WWOX: variants seen among roughly 807,000 people sequenced by gnomAD.
WWOX encodes WW domain containing oxidoreductase.
Under a neutral mutation model 46.2 loss-of-function variants are expected in WWOX, and 69 were observed. The observed-to-expected ratio is 1.49, with a 90% CI of 1.23 to 1.82. The LOEUF (loss-of-function observed/expected upper bound fraction) is 1.82. Among genes scored for constraint, WWOX ranks in the 40% most tolerant of loss-of-function variants. The pLI, the probability that WWOX is intolerant of heterozygous loss-of-function variation, is 0.00. For synonymous variants in WWOX, 359 were observed against 202.6 expected (o/e 1.77, Z -6.56); for missense variants, 919 against 542.6 (o/e 1.69, Z -6.89).
At chr16:78,598,967 C>G (rs2045557955) in intron 8 of WWOX, among the ~76,000 whole-genome samples, 1 of 152,204 alleles carries the variant, frequency 6.6e-6, no homozygotes, top group Admixed American at 6.5e-5. Flanking sequence ...CAGTGATGCA[C>G]TTAGGCAACC....
At chr16:78,371,326 C>A (rs559106424) in intron 5 of WWOX, among the ~76,000 whole-genome samples, 11 of 152,294 alleles carry the variant, frequency 7.2e-5, no homozygotes, top group Admixed American at 6.5e-4. Flanking sequence ...AGTTTAACTG[C>A]CTCACAGTAA....
chr16:79,165,278 T>A (rs779325298), intron 8 of WWOX, among the ~76,000 whole-genome samples: 82 of 151,786 alleles, frequency 5.4e-4, no homozygotes, highest in Non-Finnish European at 7.8e-4. Flanking sequence ...ATTGCGGAGG[T>A]CAATTTCATG....
intron 8 of WWOX, among the ~76,000 whole-genome samples, chr16:78,548,879 G>C (rs1322010672): frequency 6.6e-6 from 1 of 152,146 alleles, no homozygotes; most frequent in Non-Finnish European, 1.5e-5. Context: ...AGGCTTAATT[G>C]TAAGTTAATG....
intron 5 of WWOX, among the ~76,000 whole-genome samples, chr16:78,273,962 C>A (rs946164893): frequency 1.2e-4 from 18 of 152,176 alleles, no homozygotes; most frequent in African/African-American, 4.3e-4. Flanking sequence ...TAGACATTGA[C>A]CAGACACAAT....
chr16:78,706,977 A>G (rs915469706), intron 8 of WWOX, among the ~76,000 whole-genome samples: 5 of 152,140 alleles, frequency 3.3e-5, no homozygotes, highest in Non-Finnish European at 4.4e-5. Context: ...CTGCCTTTGG[A>G]AGTGAATCAG....
chr16:78,633,847 C>T (rs1205564868), intron 8 of WWOX, among the ~76,000 whole-genome samples: 1 of 152,028 alleles, frequency 6.6e-6, no homozygotes, highest in Non-Finnish European at 1.5e-5. Context: ...TTTTCCTTCC[C>T]ACTCACATGT....
chr16:78,124,865 G>A (rs2033292426), intron 4 of WWOX, among the ~76,000 whole-genome samples: 1 of 152,132 alleles, frequency 6.6e-6, no homozygotes, highest in Non-Finnish European at 1.5e-5. Flanking sequence ...TAGACTCTAA[G>A]AGGAGATCTG....
intron 8 of WWOX, among the ~76,000 whole-genome samples, chr16:78,472,461 T>A (rs16947630): frequency 2.0e-5 from 3 of 151,986 alleles, no homozygotes; most frequent in African/African-American, 7.3e-5. Flanking sequence ...TTCTCTTGCT[T>A]TTCTCTAAAG....
intron 8 of WWOX, among the ~76,000 whole-genome samples, chr16:79,122,790 C>G (rs1412493171): frequency 1.3e-5 from 2 of 152,144 alleles, no homozygotes; most frequent in Non-Finnish European, 2.9e-5. Context: ...GCCAGAATAC[C>G]TTGCCCATTT....
intron 8 of WWOX, among the ~76,000 whole-genome samples, chr16:78,700,719 C>G (rs1313694145): frequency 6.6e-6 from 1 of 152,146 alleles, no homozygotes; most frequent in Non-Finnish European, 1.5e-5. Context: ...ACCTCATAGT[C>G]TTGTTGGCCA....
At chr16:78,958,269 C>G (rs528838662) in intron 8 of WWOX, among the ~76,000 whole-genome samples, 26 of 152,216 alleles carry the variant, frequency 1.7e-4, no homozygotes, top group African/African-American at 5.8e-4. Context: ...TTAATGTCAT[C>G]TTTAATTTAA....
chr16:78,905,352 G>C (rs766281910), intron 8 of WWOX, among the ~76,000 whole-genome samples: 20 of 152,162 alleles, frequency 1.3e-4, no homozygotes, highest in Non-Finnish European at 2.5e-4. Context: ...TGTAAATCAA[G>C]TGACTGTTGA....
intron 8 of WWOX, among the ~76,000 whole-genome samples, chr16:78,839,715 C>G (rs933220563): frequency 6.6e-6 from 1 of 152,036 alleles, no homozygotes; most frequent in African/African-American, 2.4e-5. Context: ...AAAATACATC[C>G]CTGGTGATGT....
chr16:78,616,344 T>G (rs1238922676), intron 8 of WWOX, among the ~76,000 whole-genome samples: 1 of 152,160 alleles, frequency 6.6e-6, no homozygotes, highest in East Asian at 1.9e-4. Context: ...TTCCGGAGGC[T>G]GAGAAGTCCA....
At chr16:78,186,226 C>G (rs921429488) in intron 5 of WWOX, among the ~76,000 whole-genome samples, 6 of 149,924 alleles carry the variant, frequency 4.0e-5, no homozygotes, top group African/African-American at 4.9e-5. Flanking sequence ...TTCATTTAAT[C>G]TGTTTCTTTT....
intron 6 of WWOX, among the ~76,000 whole-genome samples, chr16:78,418,281 G>A (rs747296806): frequency 4.6e-5 from 7 of 151,786 alleles, no homozygotes; most frequent in African/African-American, 1.7e-4. Context: ...GGAGAATGGC[G>A]TGAACCCGGG....
intron 5 of WWOX, among the ~76,000 whole-genome samples, chr16:78,294,403 C>T (rs544938354): frequency 1.3e-4 from 18 of 142,756 alleles, no homozygotes; most frequent in African/African-American, 4.4e-4. Flanking sequence ...CTGGAACCCA[C>T]CAACACCTCC....
chr16:78,767,134 C>T (rs1308425926), intron 8 of WWOX, among the ~76,000 whole-genome samples: 1 of 140,880 alleles, frequency 7.1e-6, no homozygotes, highest in East Asian at 2.4e-4. Flanking sequence ...TCCTTCCTTC[C>T]ATTTTTGACA....
At chr16:78,910,746 C>T (rs970513442) in intron 8 of WWOX, among the ~76,000 whole-genome samples, 11 of 151,808 alleles carry the variant, frequency 7.2e-5, no homozygotes, top group East Asian at 1.9e-4. Context: ...CATCAGATCT[C>T]GTGGGACTTA....
Sources: gnomAD v4.1 joint callset for allele counts (sites outside exome capture counted in the v4.1 genomes callset) on GRCh38, gnomAD v4.1.1 for gene constraint, MANE v1.5 for transcripts, NCBI Gene and HGNC (gene_info 2026-07-23, HGNC 2026-07-21) for gene names.